The following PTPRG variants were observed in gnomAD, a reference collection of about 807,000 sequenced individuals.
PTPRG encodes the protein protein tyrosine phosphatase receptor type G, also known as receptor-type tyrosine-protein phosphatase gamma.
PTPRG carries 102 observed loss-of-function variants against 165.3 expected under a neutral mutation model. The observed-to-expected ratio is 0.62, with a 90% CI of 0.53 to 0.73. The LOEUF (loss-of-function observed/expected upper bound fraction) is 0.73. Among genes scored for constraint, PTPRG ranks in the 30% least tolerant of loss-of-function variants. The probability of loss-of-function intolerance (pLI) is 0.00; values close to 1 mark genes in which losing one functional copy is unlikely to be tolerated. For synonymous variants in PTPRG, 675 were observed against 669.5 expected, an observed-to-expected ratio of 1.01 and a Z score of -0.13; for missense variants, 1,866 against 1,861.4, an observed-to-expected ratio of 1.00 and a Z score of -0.05.
chr3:61,897,966 T>G (rs2038404250), intron 2 of PTPRG, among the ~76,000 whole-genome samples: 1 of 152,186 alleles, frequency 6.6e-6, no homozygotes, highest in African/African-American at 2.4e-5. Context: ...CTTGGAATTT[T>G]CCATATAGAC....
At chr3:61,727,652 A>G (rs2032320911) in intron 1 of PTPRG, among the ~76,000 whole-genome samples, 1 of 152,246 alleles carries the variant, frequency 6.6e-6, no homozygotes, top group African/African-American at 2.4e-5. Context: ...CTACAGGGTA[A>G]TACAACTGCT....
chr3:62,170,724 C>G (rs1238498568), intron 8 of PTPRG, among the ~76,000 whole-genome samples: 2 of 152,056 alleles, frequency 1.3e-5, no homozygotes, highest in East Asian at 3.9e-4. Context: ...AAAATGTTTT[C>G]TGATATTTTT....
chr3:61,631,992 A>C lies in PTPRG; in HGVS notation c.85+69620A>C, dbSNP rs1575551129. Among the ~76,000 whole-genome samples the C allele has an allele frequency of 6.6e-5, 10 of 152,258 alleles. 1 individual carries two copies. The South Asian group carries it at 2.1e-3, about 32-fold the overall frequency. On this transcript the variant is annotated intron_variant, in intron 1 of 29. Coordinates refer to ENST00000474889, the MANE Select transcript of PTPRG (RefSeq NM_002841.4). ...CATATAGGGAGTGATCAATTCTGCAAAGGTAAGATTTCGGTCAAAAATCTA... is the reference window on the plus strand; with the variant it reads ...CATATAGGGAGTGATCAATTCTGCACAGGTAAGATTTCGGTCAAAAATCTA...
intron 2 of PTPRG, among the ~76,000 whole-genome samples, chr3:61,917,517 A>G (rs1235302664): frequency 6.6e-6 from 1 of 152,176 alleles, no homozygotes; most frequent in Non-Finnish European, 1.5e-5. Flanking sequence ...CCTCTCACAC[A>G]GGCGTTATCT....
chr3:62,146,573 C>A (rs1704130593), intron 6 of PTPRG, among the ~76,000 whole-genome samples: 1 of 151,874 alleles, frequency 6.6e-6, no homozygotes, highest in Admixed American at 6.6e-5. Context: ...AAATTCCATA[C>A]CTCCATCACT....
At chr3:62,081,826 A>G (rs770148690) in intron 5 of PTPRG, among the ~76,000 whole-genome samples, 2 of 152,230 alleles carry the variant, frequency 1.3e-5, no homozygotes, top group Non-Finnish European at 2.9e-5. Flanking sequence ...CAAAATAGAG[A>G]AATCTTGGTG....
chr3:61,680,521 C>CA lies in PTPRG; in HGVS notation c.86-68350dup, dbSNP rs995187234. Among the ~76,000 whole-genome samples, 6 of 117,644 alleles carry CA rather than the reference C, an allele frequency of 5.1e-5. No homozygotes were observed. In the South Asian group the frequency reaches 1.1e-3, roughly 21 times the overall value. The allele number at this position is 117,644 out of a possible 152,430, so 77.2% of individuals were successfully genotyped here. A position where few individuals can be genotyped will look rare whatever the true frequency, so the allele number is the denominator to read the frequency against. On this transcript the variant is annotated intron_variant, in intron 1 of 29. Transcript: ENST00000474889. ...TTTATGAAAAAAAAAAAAAAAAACA[C>CA]AAAAAAACAGCATGGGAGCCTGGCA...
At chr3:62,124,502 A>G in intron 5 of PTPRG, 1 of 1,593,560 alleles carries the variant, frequency 6.3e-7, no homozygotes, top group Non-Finnish European at 8.6e-7. Flanking sequence ...CATGTTTTAC[A>G]GCAGGCTCAT....
At chr3:61,942,130 C>T (rs1300772879) in intron 2 of PTPRG, among the ~76,000 whole-genome samples, 1 of 150,420 alleles carries the variant, frequency 6.6e-6, no homozygotes, top group East Asian at 2.0e-4. Flanking sequence ...TACACTCCAG[C>T]CTGGGCAATA....
chr3:61,923,524 A>G (rs1300081290), intron 2 of PTPRG, among the ~76,000 whole-genome samples: 2 of 151,264 alleles, frequency 1.3e-5, no homozygotes, highest in Admixed American at 1.3e-4. Context: ...GTCATTTAGC[A>G]TTAGGTATAT....
chr3:61,844,820 T>A (rs1311637866), intron 2 of PTPRG, among the ~76,000 whole-genome samples: 1 of 152,150 alleles, frequency 6.6e-6, no homozygotes, highest in African/African-American at 2.4e-5. Flanking sequence ...GTATATTATT[T>A]GCTAAATCTG....
chr3:61,586,988 G>A (rs561557203), intron 1 of PTPRG, among the ~76,000 whole-genome samples: 7 of 152,278 alleles, frequency 4.6e-5, no homozygotes, highest in Admixed American at 4.6e-4. Flanking sequence ...AGGGGAGTCT[G>A]TGATGGCCCA....
intron 6 of PTPRG, among the ~76,000 whole-genome samples, chr3:62,155,301 G>A (rs1704494546): frequency 6.6e-6 from 1 of 152,134 alleles, no homozygotes; most frequent in Admixed American, 6.5e-5. Flanking sequence ...ACCAGTGCTT[G>A]GGCTTGGTTA....
intron 3 of PTPRG, among the ~76,000 whole-genome samples, chr3:61,994,723 C>T (rs563767781): frequency 2.2e-4 from 34 of 152,272 alleles, no homozygotes; most frequent in African/African-American, 8.2e-4. Flanking sequence ...AAACTAATTG[C>T]AAGCTGGTAA....
intron 2 of PTPRG, among the ~76,000 whole-genome samples, chr3:61,855,064 C>T (rs928051612): frequency 6.6e-6 from 1 of 152,082 alleles, no homozygotes; most frequent in Non-Finnish European, 1.5e-5. Context: ...AGAAGGTGAA[C>T]GCAGTTACTG....
chr3:61,892,323 C>G (rs909354223), intron 2 of PTPRG, among the ~76,000 whole-genome samples: 1 of 152,184 alleles, frequency 6.6e-6, no homozygotes, highest in East Asian at 1.9e-4. Flanking sequence ...GCATCCTGGG[C>G]TCAAGTGATC....
chr3:62,016,257 T>C (rs919670435), intron 4 of PTPRG, among the ~76,000 whole-genome samples: 3 of 152,156 alleles, frequency 2.0e-5, no homozygotes, highest in African/African-American at 7.2e-5. Context: ...AACCTCCGCC[T>C]CCCAGGTTCA....
chr3:61,697,145 T>C (rs1186176704), intron 1 of PTPRG, among the ~76,000 whole-genome samples: 2 of 152,190 alleles, frequency 1.3e-5, no homozygotes, highest in Non-Finnish European at 2.9e-5. Flanking sequence ...GGCTTTCTCC[T>C]GCTTTTCTTC....
chr3:62,240,470 C>T lies in PTPRG; in HGVS notation c.2376-3337C>T, dbSNP rs149947830. ...TGTTCCATTTCTGCTGCCCTCTAAT[C>T]CATTCATCATGTAGCAGCCAAAATG... is the stretch of plus-strand genomic sequence containing the variant. On this transcript the variant is annotated intron_variant, in intron 14 of 29. Coordinates refer to ENST00000474889, the MANE Select transcript of PTPRG (RefSeq NM_002841.4). This position sits in a 1 kb window ranked among gnomAD's most constrained non-coding sequence, Gnocchi z 5.1. 6.6e-6 allele frequency among the ~76,000 whole-genome samples: 1 copy of T among 152,218 alleles called. No homozygotes were observed. The highest frequency in any genetic ancestry group is 1.5e-5 in the Non-Finnish European group (1 of 68,034).
Sources: gnomAD v4.1 joint callset for allele counts (sites outside exome capture counted in the v4.1 genomes callset) on GRCh38, gnomAD v4.1.1 for gene constraint, Gnocchi (gnomAD v3.1) non-coding constraint, MANE v1.5 for transcripts, NCBI Gene and HGNC (gene_info 2026-07-23, HGNC 2026-07-21) for gene names.